The following TDRP variants were observed in gnomAD, a reference collection of about 807,000 sequenced individuals.
TDRP encodes the protein testis development-related protein.
A neutral mutation model predicts 10.5 loss-of-function variants in TDRP; 12 were observed. The observed-to-expected ratio is 1.15, with a 90% CI of 0.73 to 1.86. TDRP has a LOEUF of 1.86. Ranked by LOEUF, TDRP falls within the 40% of genes most tolerant of loss-of-function variation. TDRP has a pLI of 0.00. For synonymous variants in TDRP, 139 were observed against 95.4 expected (o/e 1.46, Z -2.67); for missense variants, 353 against 229.2 (o/e 1.54, Z -3.49).
chr8:522,479 G>GCT (rs1362182370), intron 1 of TDRP, among the ~76,000 whole-genome samples: 3 of 152,168 alleles, frequency 2.0e-5, no homozygotes, highest in South Asian at 2.1e-4. Flanking sequence ...TAGCTGTGCA[G>GCT]CTCTAAGGTC....
chr8:519,189 G>C (rs964448240), intron 1 of TDRP, among the ~76,000 whole-genome samples: 3 of 152,182 alleles, frequency 2.0e-5, no homozygotes, highest in Non-Finnish European at 2.9e-5. Flanking sequence ...GGAGCTTCCA[G>C]GTTAGTGAAC....
At chr8:531,073 A>AC (rs1325452627) in intron 1 of TDRP, among the ~76,000 whole-genome samples, 4 of 152,144 alleles carry the variant, frequency 2.6e-5, no homozygotes, top group Non-Finnish European at 4.4e-5. Flanking sequence ...AGAATGGTGG[A>AC]CTTCCTTTCT....
chr8:531,049 AC>A (rs558907348), intron 1 of TDRP, among the ~76,000 whole-genome samples: 11 of 151,814 alleles, frequency 7.2e-5, no homozygotes, highest in Non-Finnish European at 1.5e-4. Context: ...CCATCAGGTG[AC>A]CCCCCAAAAT....
intron 1 of TDRP, among the ~76,000 whole-genome samples, chr8:528,296 G>T (rs1802090724): frequency 6.6e-6 from 1 of 152,146 alleles, no homozygotes; most frequent in Admixed American, 6.5e-5. Context: ...GGAAACCGTT[G>T]TACACTATTG....
At position 491,763 on chromosome 8, in the gene TDRP, C is replaced by T; in HGVS notation, c.*636G>A. ...TAAAAATAAAATTCCAAAAAAGAACCACTGTTACTATCCAGTGGACATACA... is the reference window on the plus strand; with the variant it reads ...TAAAAATAAAATTCCAAAAAAGAACTACTGTTACTATCCAGTGGACATACA... On this transcript the variant is annotated 3_prime_UTR_variant, in exon 3 of 3. Coordinates refer to ENST00000324079, the MANE Select transcript of TDRP (RefSeq NM_001384899.1). 1.4e-6 allele frequency: 2 copies of T among 1,396,688 alleles called. No homozygotes were observed. Among genetic ancestry groups the T allele is most frequent in the Non-Finnish European group, 9.2e-7 (1 of 1,085,112 alleles). 86.5% of individuals were successfully genotyped at this position (1,396,688 alleles called of 1,614,324 possible). A position where few individuals can be genotyped will look rare whatever the true frequency, so the allele number is the denominator to read the frequency against.
intron 1 of TDRP, among the ~76,000 whole-genome samples, chr8:497,911 A>G (rs565002994): frequency 6.6e-6 from 1 of 152,312 alleles, no homozygotes; most frequent in South Asian, 2.1e-4. Context: ...GAGGGTGCAA[A>G]GCCCAAGCCT....
At chr8:523,244 G>A (rs1183849573) in intron 1 of TDRP, among the ~76,000 whole-genome samples, 2 of 152,070 alleles carry the variant, frequency 1.3e-5, no homozygotes, top group African/African-American at 4.8e-5. Context: ...ATTTTAAACT[G>A]ATAATTTAAC....
At chr8:543,859 T>C (rs1802564149) in intron 1 of TDRP, among the ~76,000 whole-genome samples, 1 of 140,578 alleles carries the variant, frequency 7.1e-6, no homozygotes, top group South Asian at 2.2e-4. Context: ...TATTTTATGA[T>C]CCAGAATGCT....
At chr8:512,330 G>A (rs1293026729) in intron 1 of TDRP, among the ~76,000 whole-genome samples, 1 of 152,070 alleles carries the variant, frequency 6.6e-6, no homozygotes, top group Non-Finnish European at 1.5e-5. Flanking sequence ...CTCCTTGGGA[G>A]GCTGAGACAG....
rs1800972526 is a variant in TDRP, at chr8:491,525, C to A, written c.*874G>T. ...ATCTAACACCAATCACAATAGGCATCTCGCTTTGCAAGAACAAACATATGA... is the reference window on the plus strand; with the variant it reads ...ATCTAACACCAATCACAATAGGCATATCGCTTTGCAAGAACAAACATATGA... On this transcript the variant is annotated 3_prime_UTR_variant, in exon 3 of 3. Transcript: ENST00000324079. 5.3e-6 allele frequency: 7 copies of A among 1,316,866 alleles called. No individual in the cohort carries two copies. In the African/African-American group the frequency reaches 9.0e-5, roughly 17 times the overall value. The allele number at this position is 1,316,866 out of a possible 1,614,324, so 81.6% of individuals were successfully genotyped here. A position where few individuals can be genotyped will look rare whatever the true frequency, so the allele number is the denominator to read the frequency against.
intron 1 of TDRP, among the ~76,000 whole-genome samples, chr8:527,971 A>C (rs554222827): frequency 5.9e-5 from 9 of 152,196 alleles, no homozygotes; most frequent in Non-Finnish European, 1.3e-4. Flanking sequence ...ATGGAAAGGC[A>C]ACACACAGAA....
chr8:494,862 C>T (rs1323973417), intron 1 of TDRP: 1 of 291,316 alleles, frequency 3.4e-6, no homozygotes, highest in Non-Finnish European at 6.4e-6. Flanking sequence ...AATATTTTGC[C>T]TCAAAAAGCT....
At chr8:516,898 C>G (rs1801771037) in intron 1 of TDRP, among the ~76,000 whole-genome samples, 1 of 152,122 alleles carries the variant, frequency 6.6e-6, no homozygotes, top group Non-Finnish European at 1.5e-5. Context: ...GCTGGTACAT[C>G]CAGATGATAG....
chr8:518,072 G>C (rs1286963066), intron 1 of TDRP, among the ~76,000 whole-genome samples: 1 of 152,168 alleles, frequency 6.6e-6, no homozygotes, highest in Non-Finnish European at 1.5e-5. Flanking sequence ...CAGACTCACA[G>C]AACAGACAAC....
At chr8:497,745 A>G (rs916972730) in intron 1 of TDRP, among the ~76,000 whole-genome samples, 2 of 152,132 alleles carry the variant, frequency 1.3e-5, no homozygotes, top group Non-Finnish European at 2.9e-5. Context: ...CCCTCCCATC[A>G]CAGGTCCAGA....
intron 1 of TDRP, among the ~76,000 whole-genome samples, chr8:530,588 A>C (rs1802165500): frequency 5.3e-5 from 8 of 152,068 alleles, no homozygotes; most frequent in Admixed American, 4.6e-4. Flanking sequence ...TTGTACATGG[A>C]ATGTCCCAAT....
intron 1 of TDRP, among the ~76,000 whole-genome samples, chr8:497,185 G>T (rs527345225): frequency 1.3e-5 from 2 of 152,236 alleles, no homozygotes; most frequent in Non-Finnish European, 2.9e-5. Flanking sequence ...TCCAGAAGAA[G>T]ACTGGAAGAT....
At chr8:522,918 C>A (rs1801944367) in intron 1 of TDRP, among the ~76,000 whole-genome samples, 1 of 152,108 alleles carries the variant, frequency 6.6e-6, no homozygotes, top group Admixed American at 6.5e-5. Flanking sequence ...ATCCTTATAT[C>A]TAAAGTGAGT....
intron 1 of TDRP, among the ~76,000 whole-genome samples, chr8:510,305 C>G (rs553294402): frequency 1.3e-5 from 2 of 152,258 alleles, no homozygotes; most frequent in East Asian, 1.9e-4. Flanking sequence ...AACCACCCCC[C>G]ATCCCGAGGC....
Sources: allele counts gnomAD v4.1 joint callset (sites outside exome capture counted in the v4.1 genomes callset), GRCh38; gene constraint gnomAD v4.1.1; transcripts MANE v1.5; gene names NCBI Gene and HGNC (gene_info 2026-07-23, HGNC 2026-07-21).